The following OOSP3 variants were observed in gnomAD, a reference collection of about 807,000 sequenced individuals.
The protein encoded by OOSP3 is oocyte-secreted protein 3.
intron 3 of OOSP3, among the ~76,000 whole-genome samples, chr11:59,894,680 C>A (rs923792259): frequency 3.3e-5 from 5 of 152,198 alleles, no homozygotes; most frequent in African/African-American, 1.2e-4. Context: ...TATAATAAAT[C>A]ACCTGCACAT....
At chr11:59,890,431 T>A (rs1250900445) in intron 2 of OOSP3, among the ~76,000 whole-genome samples, 1 of 152,222 alleles carries the variant, frequency 6.6e-6, no homozygotes, top group Non-Finnish European at 1.5e-5. Context: ...TTCCTTTCCA[T>A]GTTTAATGCT....
intron 2 of OOSP3, among the ~76,000 whole-genome samples, chr11:59,883,177 A>G (rs1316243770): frequency 1.3e-5 from 2 of 152,192 alleles, no homozygotes; most frequent in African/African-American, 4.8e-5. Flanking sequence ...CTTCAATGAA[A>G]GGTCTAGCAA....
rs1197335916 is a variant in OOSP3, at chr11:59,880,260, G to A, written c.74-1G>A. The A allele has an allele frequency of 5.0e-6, 2 of 398,296 alleles. No homozygotes were observed. The highest frequency in any genetic ancestry group is 2.1e-5 in the African/African-American group (1 of 48,580). The allele number at this position is 398,296 out of a possible 1,614,324, so 24.7% of individuals were successfully genotyped here. A position where few individuals can be genotyped will look rare whatever the true frequency, so the allele number is the denominator to read the frequency against. The stretch of plus-strand genomic sequence containing the variant: ...TGTTTAAAAAAATTTTTTTTCAACA[G>A]TGTCAGTAGGATGTACTTCCTCTAT... On this transcript the variant is annotated splice_acceptor_variant, in intron 1 of 4. Transcript: ENST00000646438. LOFTEE classifies it high-confidence loss of function.
chr11:59,892,462 T>C (rs1285639880), intron 2 of OOSP3, among the ~76,000 whole-genome samples: 1 of 152,166 alleles, frequency 6.6e-6, no homozygotes, highest in Non-Finnish European at 1.5e-5. Context: ...CTGTTTCTAC[T>C]TGGCCATCTA....
intron 2 of OOSP3, among the ~76,000 whole-genome samples, chr11:59,890,344 A>G (rs189330557): frequency 3.3e-5 from 5 of 152,198 alleles, no homozygotes; most frequent in African/African-American, 1.2e-4. Context: ...TAATTTGCAG[A>G]CTTGTTAATG....
intron 2 of OOSP3, among the ~76,000 whole-genome samples, chr11:59,888,969 C>T (rs1853286035): frequency 6.6e-6 from 1 of 152,108 alleles, no homozygotes; most frequent in African/African-American, 2.4e-5. Flanking sequence ...TTTGTTACTG[C>T]CTCAATTTCA....
chr11:59,880,314 C>T, exon 2 of OOSP3: 1 of 398,506 alleles, frequency 2.5e-6, no homozygotes, highest in Middle Eastern at 6.3e-4. Context: ...ACCAACTTTA[C>T]TTGGTCAAGA....
intron 2 of OOSP3, among the ~76,000 whole-genome samples, chr11:59,893,098 A>G (rs1168525370): frequency 2.0e-5 from 3 of 152,214 alleles, no homozygotes; most frequent in African/African-American, 7.2e-5. Context: ...CACACTTTAC[A>G]TACAATTTAT....
chr11:59,885,183 T>G lies in OOSP3; in HGVS notation c.252+4744T>G, dbSNP rs1379434629. ...ATGGTGTATTACATTGATTTTTGTA[T>G]GTGGAGCCAACATATCCTTTTCCTG... On this transcript the variant is annotated intron_variant, in intron 2 of 4. Transcript: ENST00000646438. Among the ~76,000 whole-genome samples the G allele has an allele frequency of 2.6e-5, 4 of 152,342 alleles. No homozygotes were observed. In the East Asian group the frequency reaches 7.7e-4, roughly 29 times the overall value.
At chr11:59,895,998 C>T (rs1853353913) in intron 4 of OOSP3, 135 bp from the exon 5 acceptor site, 3 of 395,944 alleles carry the variant, frequency 7.6e-6, no homozygotes, top group East Asian at 7.1e-5. Context: ...TTCAACCCTT[C>T]CCTCTAATCC....
chr11:59,883,312 A>T (rs143982118), intron 2 of OOSP3, among the ~76,000 whole-genome samples: 1 of 152,166 alleles, frequency 6.6e-6, no homozygotes, highest in Non-Finnish European at 1.5e-5. Flanking sequence ...CAGGATCAAA[A>T]CAAAACACTG....
rs73490927 is a variant in OOSP3, at chr11:59,880,210, G to A, written c.74-51G>A. ...TATGTTCAGACTTTCTCTGGGTGTC[G>A]TTTAGCATAAAATTGCTATCTAAAT... On this transcript the variant is annotated intron_variant, in intron 1 of 4. Transcript: ENST00000646438. 6.3e-3 allele frequency: 2,516 copies of A among 397,776 alleles called. 62 individuals are homozygous for A. The highest frequency in any genetic ancestry group is 0.045 in the African/African-American group (2,200 of 48,690). The allele number at this position is 397,776 out of a possible 1,614,324, so 24.6% of individuals were successfully genotyped here.
intron 2 of OOSP3, among the ~76,000 whole-genome samples, chr11:59,881,057 G>A (rs1305934024): frequency 6.6e-6 from 1 of 152,094 alleles, no homozygotes; most frequent in Non-Finnish European, 1.5e-5. Context: ...TTTTGAGACA[G>A]TTTAGTTAAG....
intron 2 of OOSP3, among the ~76,000 whole-genome samples, chr11:59,893,510 A>G (rs1314161712): frequency 6.6e-6 from 1 of 152,046 alleles, no homozygotes; most frequent in Admixed American, 6.5e-5. Context: ...GGAACCACTC[A>G]ACCCGGTTGA....
intron 2 of OOSP3, among the ~76,000 whole-genome samples, chr11:59,892,183 T>C (rs1034260488): frequency 6.6e-6 from 1 of 152,192 alleles, no homozygotes; most frequent in African/African-American, 2.4e-5. Flanking sequence ...AGTAATCTCC[T>C]GTTCTGTGGG....
At chr11:59,890,168 G>A (rs2134530355) in intron 2 of OOSP3, among the ~76,000 whole-genome samples, 1 of 151,976 alleles carries the variant, frequency 6.6e-6, no homozygotes, top group South Asian at 2.1e-4. Flanking sequence ...TCCTATTTGT[G>A]TCTTTGCATA....
intron 2 of OOSP3, among the ~76,000 whole-genome samples, chr11:59,893,392 T>A (rs1485460739): frequency 3.3e-5 from 5 of 152,190 alleles, no homozygotes; most frequent in African/African-American, 1.2e-4. Context: ...TCTTGTTCTG[T>A]CATCAAGGCT....
intron 2 of OOSP3, among the ~76,000 whole-genome samples, chr11:59,881,691 A>G (rs1853202889): frequency 6.6e-6 from 1 of 152,212 alleles, no homozygotes; most frequent in Admixed American, 6.5e-5. Context: ...CAGCCTGGCC[A>G]ACATGGCAAA....
chr11:59,895,635 T>C (rs1853349195), exon 4 of OOSP3: 4 of 398,426 alleles, frequency 1.0e-5, no homozygotes, highest in Non-Finnish European at 1.8e-5. Flanking sequence ...TCGGATTCCA[T>C]ATTTTCAAAA....
Sources: allele counts gnomAD v4.1 joint callset (sites outside exome capture counted in the v4.1 genomes callset), GRCh38; gene constraint gnomAD v4.1.1; transcripts MANE v1.5; gene names NCBI Gene and HGNC (gene_info 2026-07-23, HGNC 2026-07-21).